MECOM: variants seen among roughly 807,000 people sequenced by gnomAD.
MECOM encodes the protein histone-lysine N-methyltransferase MECOM.
MECOM carries 13 observed loss-of-function variants against 116.3 expected under a neutral mutation model. That is an observed-to-expected ratio of 0.11 (90% confidence interval 0.07 to 0.18). MECOM has a LOEUF of 0.18. Ranked by LOEUF, MECOM falls within the 10% of genes least tolerant of loss-of-function variation. The pLI, the probability that MECOM is intolerant of heterozygous loss-of-function variation, is 1.00. For missense variants in MECOM, 1,299 were observed against 1,509.0 expected (o/e 0.86, Z 2.31); for synonymous variants, 528 against 535.2 (o/e 0.99, Z 0.19).
Position 169,084,936 on chromosome 3 carries a change from A to G in MECOM, c.3693T>C (p.Ser1231=), listed in dbSNP as rs1353344038. 1.9e-6 allele frequency: 3 copies of G among 1,614,080 alleles called. No homozygotes were observed. Among genetic ancestry groups the G allele is most frequent in the Non-Finnish European group, 2.5e-6 (3 of 1,179,990 alleles). The change falls in exon 17 of 17, where the codon AGT becomes AGC. Residue 1231 remains serine, a synonymous_variant. Transcript: ENST00000651503. ...HSMARAAAES[S]AIQSISHV ...ATACGTGGCTTATGGACTGGATAGC[A>G]CTGGATTCCGCCGCAGCCCTGGCCA...
At chr3:169,128,677 CA>C (rs1733692829) in intron 4 of MECOM, among the ~76,000 whole-genome samples, 1 of 152,168 alleles carries the variant, frequency 6.6e-6, no homozygotes. Flanking sequence ...AATAATGGGA[CA>C]CAGGATGTTT....
intron 2 of MECOM, among the ~76,000 whole-genome samples, chr3:169,348,762 C>CA (rs1416191360): frequency 1.7e-4 from 26 of 151,976 alleles, no homozygotes; most frequent in Admixed American, 1.6e-3. Context: ...GCAATCATTT[C>CA]AAAAAACAGA....
Position 169,472,609 on chromosome 3 carries a change from AAAGG to A in MECOM, c.38-91089_38-91086del, listed in dbSNP as rs1749646361. 2.0e-4 allele frequency among the ~76,000 whole-genome samples: 14 copies of A among 71,364 alleles called. 1 individual carries two copies. Among genetic ancestry groups the A allele is most frequent in the African/African-American group, 8.3e-4 (9 of 10,908 alleles). The allele number at this position is 71,364 out of a possible 152,430, so 46.8% of individuals were successfully genotyped here. ...AAAGGAAAGGAAAGGAAAGGAAAGGAAAGGAAAGAAAAGAAAAGAAAAGAAAAGG... is the reference window on the plus strand; with the variant it reads ...AAAGGAAAGGAAAGGAAAGGAAAGGAAAAGAAAAGAAAAGAAAAGAAAAGG... On this transcript the variant is annotated intron_variant, in intron 1 of 16. Transcript: ENST00000651503.
chr3:169,145,885 T>C (rs1310950646), intron 2 of MECOM: 2 of 215,326 alleles, frequency 9.3e-6, no homozygotes, highest in Non-Finnish European at 1.9e-5. Context: ...TGTTATACGA[T>C]TATTCAAAGA....
intron 1 of MECOM, among the ~76,000 whole-genome samples, chr3:169,469,969 C>A (rs1469161457): frequency 6.6e-6 from 1 of 152,126 alleles, no homozygotes. Flanking sequence ...CAGCAGCTAG[C>A]CTTCCTAAGA....
At chr3:169,410,801 G>T (rs938407789) in intron 1 of MECOM, among the ~76,000 whole-genome samples, 1 of 151,818 alleles carries the variant, frequency 6.6e-6, no homozygotes, top group African/African-American at 2.4e-5. Flanking sequence ...TGTTTTCAAT[G>T]AACTCAAAGA....
chr3:169,391,516 A>G (rs985485571), intron 1 of MECOM, among the ~76,000 whole-genome samples: 6 of 152,176 alleles, frequency 3.9e-5, no homozygotes, highest in African/African-American at 1.4e-4. Context: ...ATGTAAAATC[A>G]TTCAAAACCA....
At chr3:169,358,674 C>T (rs1020579278) in intron 2 of MECOM, among the ~76,000 whole-genome samples, 4 of 151,522 alleles carry the variant, frequency 2.6e-5, no homozygotes, top group African/African-American at 9.7e-5. Context: ...TAAGGGCCTC[C>T]TAGGGAGGAA....
intron 1 of MECOM, among the ~76,000 whole-genome samples, chr3:169,449,027 C>T (rs1745115770): frequency 6.6e-6 from 1 of 152,098 alleles, no homozygotes; most frequent in Admixed American, 6.6e-5. Flanking sequence ...TATCTGTCAA[C>T]AGAGAGAACA....
chr3:169,102,193 C>T lies in MECOM; in HGVS notation c.2638G>A (p.Glu880Lys). ...SAIENMAEKL[E>K]SFSALKPEAS... The stretch of plus-strand genomic sequence containing the variant: ...TCAGGTTTCAGGGCACTGAAGCTCT[C>T]TAGCTTTTCTGCCATGTTTTCAATA... The change falls in exon 11 of 17, where the codon GAG becomes AAG. Residue 880 changes from glutamate to lysine, a missense_variant. Around this residue, in one of 6 missense-constraint regions of MECOM, gnomAD observed 340 missense variants for 312.6 expected, o/e 1.09. Transcript: ENST00000651503. 2.5e-6 allele frequency: 4 copies of T among 1,613,634 alleles called. No homozygotes were observed. The highest frequency in any genetic ancestry group is 3.4e-6 in the Non-Finnish European group (4 of 1,179,706).
At chr3:169,346,608 GA>G (rs982356292) in intron 2 of MECOM, among the ~76,000 whole-genome samples, 1 of 151,428 alleles carries the variant, frequency 6.6e-6, no homozygotes, top group Non-Finnish European at 1.5e-5. Flanking sequence ...GCCACAGGGG[GA>G]AAAAATGCAC....
intron 2 of MECOM, among the ~76,000 whole-genome samples, chr3:169,332,067 A>G (rs1197020564): frequency 6.6e-6 from 1 of 152,084 alleles, no homozygotes; most frequent in Non-Finnish European, 1.5e-5. Flanking sequence ...TAAAATAGAT[A>G]AAAAGTGCAA....
intron 1 of MECOM, among the ~76,000 whole-genome samples, chr3:169,484,232 A>G (rs1413579203): frequency 1.3e-5 from 2 of 152,170 alleles, no homozygotes; most frequent in East Asian, 3.8e-4. Context: ...TATAACAGAA[A>G]GAAAGGATGA....
chr3:169,322,780 C>A (rs1249369229), intron 2 of MECOM, among the ~76,000 whole-genome samples: 1 of 151,810 alleles, frequency 6.6e-6, no homozygotes, highest in Admixed American at 6.6e-5. Flanking sequence ...GGCATATCAC[C>A]TGAGGTCAGG....
intron 1 of MECOM, among the ~76,000 whole-genome samples, chr3:169,569,310 A>T (rs572696740): frequency 6.6e-6 from 1 of 152,178 alleles, no homozygotes; most frequent in Non-Finnish European, 1.5e-5. Flanking sequence ...CACCCAATAC[A>T]AGAGCACCCA....
chr3:169,614,586 G>A (rs1769747015), intron 1 of MECOM, among the ~76,000 whole-genome samples: 3 of 151,916 alleles, frequency 2.0e-5, no homozygotes, highest in Non-Finnish European at 2.9e-5. Flanking sequence ...TGATTTCCAC[G>A]GTTCAAGAAC....
At chr3:169,112,488 C>T (rs965323931) in intron 9 of MECOM, among the ~76,000 whole-genome samples, 2 of 152,124 alleles carry the variant, frequency 1.3e-5, no homozygotes, top group Non-Finnish European at 2.9e-5. Context: ...ACACAAAACA[C>T]ATCTTGGATA....
intron 1 of MECOM, among the ~76,000 whole-genome samples, chr3:169,407,393 G>T (rs1736872682): frequency 6.6e-6 from 1 of 152,132 alleles, no homozygotes; most frequent in African/African-American, 2.4e-5. Flanking sequence ...ACTTGTTAAA[G>T]CTTCATGAAA....
intron 2 of MECOM, among the ~76,000 whole-genome samples, chr3:169,204,063 G>T (rs1468612854): frequency 6.6e-6 from 1 of 152,138 alleles, no homozygotes; most frequent in African/African-American, 2.4e-5. Flanking sequence ...CTATCAAATT[G>T]TTCAAAGGCC....
Sources: allele counts gnomAD v4.1 joint callset (sites outside exome capture counted in the v4.1 genomes callset), GRCh38; gene constraint gnomAD v4.1.1; regional missense constraint gnomAD v4.1.1; transcripts MANE v1.5; gene names NCBI Gene and HGNC (gene_info 2026-07-23, HGNC 2026-07-21).